The following LIN9 variants were observed in gnomAD, a reference collection of about 807,000 sequenced individuals.
The protein encoded by LIN9 is protein lin-9 homolog.
LIN9 carries 18 observed loss-of-function variants against 78.0 expected under a neutral mutation model. The observed-to-expected ratio is 0.23, with a 90% CI of 0.16 to 0.34. The LOEUF is 0.34. Among genes scored for constraint, LIN9 ranks in the 10% least tolerant of loss-of-function variants. LIN9 has a pLI of 1.00. For missense variants in LIN9, 451 were observed against 644.1 expected (o/e 0.70, Z 3.25); for synonymous variants, 192 against 215.2 (o/e 0.89, Z 0.94).
rs1163172942 is a variant in LIN9 at position 226,281,698 on chromosome 1, CT to C, written c.525-3767del. ...TAGTTGACAATTTTTTTTTCTTTTT[CT>C]TTTTTTTTTTTTGATTTGGAGTCTC... On this transcript the variant is annotated intron_variant, in intron 6 of 14. Coordinates refer to ENST00000681046, the MANE Select transcript of LIN9 (RefSeq NM_001366245.2). Among the ~76,000 whole-genome samples, 592 of 142,170 alleles carry C rather than the reference CT, an allele frequency of 4.2e-3. 2 individuals carry two copies. Among genetic ancestry groups the C allele is most frequent in the Admixed American group, 5.7e-3 (81 of 14,154 alleles). The allele number at this position is 142,170 out of a possible 152,430, so 93.3% of individuals were successfully genotyped here. A position where few individuals can be genotyped will look rare whatever the true frequency, so the allele number is the denominator to read the frequency against.
At chr1:226,274,671 TC>T (rs141012245) in intron 7 of LIN9, among the ~76,000 whole-genome samples, 35,103 of 151,452 alleles carry the variant, frequency 0.23, 4,314 homozygotes, top group South Asian at 0.33. Flanking sequence ...TTTTTTTTTT[TC>T]ATTTTTTTCC....
chr1:226,303,497 G>A lies in LIN9; in HGVS notation c.32-2292C>T, dbSNP rs181212442. 9.1e-4 allele frequency among the ~76,000 whole-genome samples: 139 copies of A among 152,356 alleles called. 1 individual carries two copies. The highest frequency in any genetic ancestry group is 2.0e-3 in the Admixed American group (30 of 15,302). On this transcript the variant is annotated intron_variant, in intron 1 of 14. Coordinates refer to ENST00000681046, the MANE Select transcript of LIN9 (RefSeq NM_001366245.2). The stretch of plus-strand genomic sequence containing the variant: ...ATGCTTAAGCAGAGATCTGAAGGAA[G>A]AGGTATATAGGCCATAAGAATATCC...
At chr1:226,287,230 T>C (rs1661429276) in intron 5 of LIN9, among the ~76,000 whole-genome samples, 1 of 152,230 alleles carries the variant, frequency 6.6e-6, no homozygotes, top group African/African-American at 2.4e-5. Flanking sequence ...CATATGTGTA[T>C]ACCTAGCGTG....
intron 11 of LIN9, among the ~76,000 whole-genome samples, chr1:226,244,593 A>T (rs755025456): frequency 6.6e-6 from 1 of 152,238 alleles, no homozygotes; most frequent in Non-Finnish European, 1.5e-5. Flanking sequence ...TGTGGCTTAC[A>T]GGTTCATGTT....
chr1:226,286,637 G>A (rs892714302), intron 5 of LIN9, among the ~76,000 whole-genome samples, 179 bp from the exon 6 acceptor site: 1 of 152,168 alleles, frequency 6.6e-6, no homozygotes, highest in African/African-American at 2.4e-5. Context: ...TCGTGTAAAA[G>A]TTGCTCAGGA....
chr1:226,272,937 C>T (rs1010563035), intron 7 of LIN9, among the ~76,000 whole-genome samples: 1 of 152,094 alleles, frequency 6.6e-6, no homozygotes, highest in Admixed American at 6.6e-5. Flanking sequence ...GTCTTTTTCT[C>T]AATCCTTTGA....
chr1:226,245,009 C>A (rs1230984962), intron 11 of LIN9, among the ~76,000 whole-genome samples: 1 of 152,140 alleles, frequency 6.6e-6, no homozygotes, highest in Non-Finnish European at 1.5e-5. Context: ...TCCAGGAGTG[C>A]AACTGCTAAA....
chr1:226,264,378 A>G (rs1255023292), intron 10 of LIN9, among the ~76,000 whole-genome samples: 2 of 152,044 alleles, frequency 1.3e-5, no homozygotes, highest in East Asian at 3.9e-4. Flanking sequence ...CTCTGTCTCA[A>G]ATAAAATAAA....
At chr1:226,249,906 C>T (rs367858728) in intron 11 of LIN9, among the ~76,000 whole-genome samples, 36 of 152,246 alleles carry the variant, frequency 2.4e-4, no homozygotes, top group African/African-American at 8.4e-4. Context: ...CTGTGGCTGG[C>T]TGGGTGCTGT....
intron 4 of LIN9, among the ~76,000 whole-genome samples, chr1:226,290,234 A>G (rs1356020102): frequency 6.6e-6 from 1 of 152,162 alleles, no homozygotes; most frequent in Non-Finnish European, 1.5e-5. Flanking sequence ...AGGCATAAAC[A>G]GTTTACAGAA....
intron 4 of LIN9, among the ~76,000 whole-genome samples, chr1:226,294,873 C>T (rs757932707): frequency 2.6e-5 from 4 of 151,308 alleles, no homozygotes; most frequent in Non-Finnish European, 5.9e-5. Context: ...GATCTCGGCT[C>T]ACTGCAACCT....
chr1:226,292,838 G>C (rs1661881639), intron 4 of LIN9, among the ~76,000 whole-genome samples: 1 of 152,158 alleles, frequency 6.6e-6, no homozygotes, highest in Admixed American at 6.5e-5. Context: ...GAGACAGGCT[G>C]CCTGACTGTT....
intron 10 of LIN9, among the ~76,000 whole-genome samples, chr1:226,251,192 T>TACA (rs1233937445): frequency 6.6e-6 from 1 of 151,742 alleles, no homozygotes; most frequent in Non-Finnish European, 1.5e-5. Flanking sequence ...TAGCAGGGAT[T>TACA]ACAGGCACAC....
At position 226,266,314 on chromosome 1, in the gene LIN9, T is replaced by C. The variant is rs747978070; in HGVS notation, c.835A>G (p.Thr279Ala). 8 of 1,598,510 alleles carry C rather than the reference T, an allele frequency of 5.0e-6. No homozygotes were observed. Among genetic ancestry groups the C allele is most frequent in the Non-Finnish European group, 6.8e-6 (8 of 1,170,608 alleles). Residue 279 changes from threonine to alanine, a missense_variant, in exon 9 of 15, where the codon ACA becomes GCA. Physicochemically the swap from Thr to Ala is moderately conservative, Grantham distance 58 (BLOSUM62 0). Coordinates refer to ENST00000681046, the MANE Select transcript of LIN9 (RefSeq NM_001366245.2). ...TGTCCAAAGGCAGCAATTGGCATTG[T>C]CTCATGAGGTTCATTACTCTGAGAA... ...YEVLSNEPHE[T>A]MPIAAFGQKQ...
At chr1:226,285,320 A>G (rs1212645353) in intron 6 of LIN9, among the ~76,000 whole-genome samples, 1 of 152,108 alleles carries the variant, frequency 6.6e-6, no homozygotes, top group Non-Finnish European at 1.5e-5. Flanking sequence ...ACACTAAATA[A>G]CATATCAAAT....
chr1:226,297,921 GA>G (rs1662257522), intron 2 of LIN9, 108 bp from the exon 3 acceptor site: 2 of 433,120 alleles, frequency 4.6e-6, no homozygotes, highest in East Asian at 3.5e-5. Flanking sequence ...ATTTAATATG[GA>G]AAAAATATAC....
chr1:226,261,939 A>G (rs1659615345), intron 10 of LIN9, among the ~76,000 whole-genome samples: 1 of 152,228 alleles, frequency 6.6e-6, no homozygotes. Flanking sequence ...GATCAATGGA[A>G]CAGAATAGAG....
intron 11 of LIN9, among the ~76,000 whole-genome samples, chr1:226,243,718 G>A (rs1339337069): frequency 2.3e-4 from 30 of 132,402 alleles, no homozygotes; most frequent in African/African-American, 3.5e-4. Context: ...AAAAAAAAAA[G>A]GTCCCCTCCT....
At chr1:226,244,805 T>G (rs972041831) in intron 11 of LIN9, among the ~76,000 whole-genome samples, 2 of 152,174 alleles carry the variant, frequency 1.3e-5, no homozygotes, top group African/African-American at 4.8e-5. Context: ...ACTCTAGAAG[T>G]AAAATTTCTG....
Sources: allele counts gnomAD v4.1 joint callset (sites outside exome capture counted in the v4.1 genomes callset), GRCh38; gene constraint gnomAD v4.1.1; transcripts MANE v1.5; gene names NCBI Gene and HGNC (gene_info 2026-07-23, HGNC 2026-07-21).